Variants in DNAJC11 observed in about 807,000 individuals in gnomAD.
DNAJC11 encodes the protein dnaJ homolog subfamily C member 11.
In DNAJC11, 15 loss-of-function variants were observed where a neutral mutation model predicts 78.6. The observed-to-expected ratio is 0.19, with a 90% confidence interval of 0.13 to 0.29. The LOEUF is 0.29. Ranked by LOEUF, DNAJC11 falls within the 10% of genes least tolerant of loss-of-function variation. The probability of loss-of-function intolerance (pLI) is 1.00; values close to 1 mark genes in which losing one functional copy is unlikely to be tolerated. For missense variants in DNAJC11, 547 were observed against 709.6 expected (o/e 0.77, Z 2.60); for synonymous variants, 292 against 272.1 (o/e 1.07, Z -0.72).
chr1:6,661,146 G>C (rs556809966), intron 4 of DNAJC11, among the ~76,000 whole-genome samples: 1 of 152,330 alleles, frequency 6.6e-6, no homozygotes, highest in Admixed American at 6.5e-5. Flanking sequence ...CAGGTGGAAT[G>C]ATTTTCATGT....
chr1:6,637,339 G>A lies in DNAJC11; in HGVS notation c.1383C>T (p.Gly461=). 6.2e-7 allele frequency: 1 copy of A among 1,614,208 alleles called. No individual in the cohort carries two copies. Among genetic ancestry groups the A allele is most frequent in the South Asian group, 1.1e-5 (1 of 91,084 alleles). Residue 461 remains glycine (G), a splice_region_variant and synonymous_variant, in exon 14 of 16, where the codon GGC becomes GGT. Coordinates refer to ENST00000377577, the MANE Select transcript of DNAJC11 (RefSeq NM_018198.4). ...CGTACCAGGCATTGACGATGATGAG[G>A]CCTAAGGACAGACTCCGAGTAGAGG... The part of the protein sequence containing the change: ...RIIEAEESRM[G]LIIVNAWYGK...
At chr1:6,674,816 G>A (rs919977044) in intron 3 of DNAJC11, among the ~76,000 whole-genome samples, 3 of 152,180 alleles carry the variant, frequency 2.0e-5, no homozygotes, top group Non-Finnish European at 2.9e-5. Context: ...GTTGGGGAGT[G>A]ATTTCTAGTT....
chr1:6,662,692 T>G (rs762051891), intron 4 of DNAJC11, among the ~76,000 whole-genome samples: 33 of 152,112 alleles, frequency 2.2e-4, no homozygotes, highest in Non-Finnish European at 1.8e-4. Flanking sequence ...AAAGCACCAA[T>G]TAGTGCTCTG....
intron 4 of DNAJC11, among the ~76,000 whole-genome samples, chr1:6,666,648 C>T (rs1206019444): frequency 3.3e-5 from 5 of 152,080 alleles, no homozygotes; most frequent in African/African-American, 9.7e-5. Context: ...GTGATCTGCC[C>T]GCCTCTGCCT....
At chr1:6,656,028 T>C (rs1205557671) in intron 4 of DNAJC11, among the ~76,000 whole-genome samples, 1 of 138,888 alleles carries the variant, frequency 7.2e-6, no homozygotes, top group Non-Finnish European at 1.5e-5. Flanking sequence ...CTTCAACTTG[T>C]GAGGCAGAGG....
chr1:6,665,070 T>A (rs1352386468), intron 4 of DNAJC11, among the ~76,000 whole-genome samples: 1 of 152,062 alleles, frequency 6.6e-6, no homozygotes, highest in Non-Finnish European at 1.5e-5. Flanking sequence ...ATCAAAAGTG[T>A]CCTTCTGTTT....
At chr1:6,681,748 G>A (rs1443348718) in intron 1 of DNAJC11, among the ~76,000 whole-genome samples, 1 of 152,164 alleles carries the variant, frequency 6.6e-6, no homozygotes, top group Non-Finnish European at 1.5e-5. Context: ...ATTCACTGTG[G>A]CCTGCCTCAC....
At position 6,634,947 on chromosome 1, in the gene DNAJC11, C is replaced by T; in HGVS notation, c.*728G>A. ...TGGAGGGACACAGGCCAGCTCAAGC[C>T]CGCTGGTGGCAGGGCGTTTTCCCAC... On this transcript the variant is annotated 3_prime_UTR_variant, in exon 16 of 16. Transcript: ENST00000377577. The T allele has an allele frequency of 3.8e-6, 4 of 1,066,356 alleles. No homozygotes were observed. Among genetic ancestry groups the T allele is most frequent in the Non-Finnish European group, 4.8e-6 (4 of 835,600 alleles). The allele number at this position is 1,066,356 out of a possible 1,614,324, so 66.1% of individuals were successfully genotyped here.
At chr1:6,659,111 G>A (rs372867335) in intron 4 of DNAJC11, among the ~76,000 whole-genome samples, 1 of 152,186 alleles carries the variant, frequency 6.6e-6, no homozygotes, top group East Asian at 1.9e-4. Context: ...CTTGCTCAAT[G>A]TTCCTTATAT....
At chr1:6,673,582 C>T (rs915084264) in intron 3 of DNAJC11, among the ~76,000 whole-genome samples, 1 of 152,190 alleles carries the variant, frequency 6.6e-6, no homozygotes, top group African/African-American at 2.4e-5. Context: ...CTAGTATAGC[C>T]TGCACCCAGG....
At chr1:6,699,323 C>T (rs1307504039) in intron 1 of DNAJC11, among the ~76,000 whole-genome samples, 1 of 152,126 alleles carries the variant, frequency 6.6e-6, no homozygotes, top group Admixed American at 6.6e-5. Flanking sequence ...ATTTCTTTGG[C>T]TCCCATCCGT....
intron 3 of DNAJC11, among the ~76,000 whole-genome samples, chr1:6,669,751 G>C (rs1487541902): frequency 6.6e-6 from 1 of 151,904 alleles, no homozygotes; most frequent in African/African-American, 2.4e-5. Context: ...ACACAGTGTG[G>C]GAACAGGACA....
chr1:6,669,410 T>G (rs1386808337), intron 3 of DNAJC11, among the ~76,000 whole-genome samples: 1 of 150,246 alleles, frequency 6.7e-6, no homozygotes, highest in African/African-American at 2.5e-5. Context: ...ACTTGGGAGG[T>G]TGAGGCAGAA....
intron 7 of DNAJC11, among the ~76,000 whole-genome samples, chr1:6,650,318 T>G (rs1307115166): frequency 4.1e-5 from 6 of 147,952 alleles, no homozygotes; most frequent in Non-Finnish European, 9.0e-5. Flanking sequence ...CTAATCTCAG[T>G]GCTTTGGGAG....
chr1:6,645,716 G>A lies in DNAJC11; in HGVS notation c.894+73C>T. ...GGTGATCAGGACGCAGGATTTAAGG[G>A]GAGCACTGAGTGCTTGGGAGGAGGG... On this transcript the variant is annotated intron_variant, in intron 8 of 15. Coordinates refer to ENST00000377577, the MANE Select transcript of DNAJC11 (RefSeq NM_018198.4). The surrounding 1 kb of genome is among the most constrained non-coding windows in gnomAD (Gnocchi z 4.1). 2.6e-6 allele frequency: 4 copies of A among 1,534,244 alleles called. No individual in the cohort carries two copies. The highest frequency in any genetic ancestry group is 2.7e-5 in the African/African-American group (2 of 73,582).
chr1:6,634,716 T>TCC lies in DNAJC11; in HGVS notation c.*957_*958dup, dbSNP rs1456914700. On this transcript the variant is annotated 3_prime_UTR_variant, in exon 16 of 16. Transcript: ENST00000377577. ...GTGGAGGAAGGGTCTGAAGGAAGGC[T>TCC]CCGGAGCACAGGCCCTGGTGTTCCT... 2 of 1,363,280 alleles carry TCC rather than the reference T, an allele frequency of 1.5e-6. No homozygotes were observed. Among genetic ancestry groups the TCC allele is most frequent in the East Asian group, 9.1e-5 (2 of 21,874 alleles). The allele number at this position is 1,363,280 out of a possible 1,614,324, so 84.4% of individuals were successfully genotyped here.
intron 1 of DNAJC11, among the ~76,000 whole-genome samples, chr1:6,693,393 A>G (rs1642781758): frequency 6.6e-6 from 1 of 152,100 alleles, no homozygotes; most frequent in African/African-American, 2.4e-5. Flanking sequence ...TTGTTATATT[A>G]TCGTTTAGAT....
chr1:6,674,517 C>A (rs572766599), intron 3 of DNAJC11, among the ~76,000 whole-genome samples: 1 of 152,026 alleles, frequency 6.6e-6, no homozygotes, highest in African/African-American at 2.4e-5. Context: ...GCCAAGATCA[C>A]GCCACTACAC....
At chr1:6,683,460 C>G (rs764177125) in intron 1 of DNAJC11, among the ~76,000 whole-genome samples, 1 of 152,216 alleles carries the variant, frequency 6.6e-6, no homozygotes, top group Non-Finnish European at 1.5e-5. Context: ...GCCCAACACA[C>G]AGCAAAAACT....
Sources: allele counts gnomAD v4.1 joint callset (sites outside exome capture counted in the v4.1 genomes callset), GRCh38; gene constraint gnomAD v4.1.1; non-coding constraint Gnocchi (gnomAD v3.1); transcripts MANE v1.5; gene names NCBI Gene and HGNC (gene_info 2026-07-23, HGNC 2026-07-21).